SNED1: variants seen among roughly 807,000 people sequenced by gnomAD.
SNED1 encodes the protein sushi, nidogen and EGF like domains 1, also known as sushi, nidogen and EGF-like domain-containing protein 1.
Under a neutral mutation model 166.7 loss-of-function variants are expected in SNED1, and 81 were observed. That is an observed-to-expected ratio of 0.49 (90% confidence interval 0.41 to 0.58). The LOEUF is 0.58. SNED1 is among the 20% of genes least tolerant of loss of function. SNED1 has a pLI of 0.00. For synonymous variants in SNED1, 762 were observed against 822.0 expected, an observed-to-expected ratio of 0.93 and a Z score of 1.25; for missense variants, 1,604 against 2,000.2, an observed-to-expected ratio of 0.80 and a Z score of 3.78.
chr2:241,050,542 G>A (rs1458828412), intron 12 of SNED1, among the ~76,000 whole-genome samples: 1 of 152,202 alleles, frequency 6.6e-6, no homozygotes, highest in Non-Finnish European at 1.5e-5. Context: ...CTGGACTGGT[G>A]TGGAGCCTTC....
chr2:241,050,551 T>A (rs2061805940), intron 12 of SNED1, among the ~76,000 whole-genome samples: 1 of 152,124 alleles, frequency 6.6e-6, no homozygotes. Context: ...TGTGGAGCCT[T>A]CCACGGCCCC....
intron 4 of SNED1, 51 bp downstream of exon 4, chr2:241,034,781 T>G (rs1574942366): frequency 6.8e-7 from 1 of 1,480,936 alleles, no homozygotes; most frequent in Non-Finnish European, 9.0e-7. Context: ...AGGAAGGGGG[T>G]TGATGGCAGA....
At chr2:241,041,217 A>C in intron 8 of SNED1, 1 of 176,664 alleles carries the variant, frequency 5.7e-6, no homozygotes, top group Admixed American at 5.5e-5. Flanking sequence ...AGCCTCACCT[A>C]TTTGGCTGCT....
At chr2:241,049,960 G>T in intron 12 of SNED1, 27 bp downstream of exon 12, 2 of 1,562,522 alleles carry the variant, frequency 1.3e-6, no homozygotes, top group Non-Finnish European at 1.8e-6. Flanking sequence ...CGTCCGGGCC[G>T]GCGTCAGCAC....
At position 241,063,550 on chromosome 2, in the gene SNED1, G is replaced by C. The variant is rs1356538535; in HGVS notation, c.2372-37G>C. 3.5e-6 allele frequency: 5 copies of C among 1,442,782 alleles called. No individual in the cohort carries two copies. The African/African-American group carries it at 4.2e-5, about 12-fold the overall frequency. The allele number at this position is 1,442,782 out of a possible 1,614,324, so 89.4% of individuals were successfully genotyped here. A position where few individuals can be genotyped will look rare whatever the true frequency, so the allele number is the denominator to read the frequency against. ...GGGGGCATGTGGGCGCCTCAGACTT[G>C]AGCCAGCAACACCCTTGACACCCCT... On this transcript the variant is annotated intron_variant, in intron 17 of 31. Transcript: ENST00000310397.
chr2:241,030,405 G>C lies in SNED1; in HGVS notation c.335G>C (p.Arg112Pro), dbSNP rs371291064. 6.2e-7 allele frequency: 1 copy of C among 1,613,062 alleles called. No homozygotes were observed. Among genetic ancestry groups the C allele is most frequent in the African/African-American group, 1.3e-5 (1 of 74,942 alleles). Residue 112 changes from arginine (R) to proline (P), a missense_variant, in exon 2 of 32, where the codon CGT (arginine) becomes CCT (proline). Arg to Pro is a moderately radical substitution (Grantham distance 103). Transcript: ENST00000310397. ...AAFWADVDNR[R>P]AGDVYYREAT... ...TTCTGGGCAGATGTGGACAACCGGC[G>C]TGCAGGCGACGTGTACTACCGGGAG... is the stretch of plus-strand genomic sequence containing the variant.
intron 16 of SNED1, among the ~76,000 whole-genome samples, chr2:241,054,376 A>G (rs1175881541): frequency 3.3e-5 from 5 of 152,182 alleles, no homozygotes; most frequent in Admixed American, 3.3e-4. Flanking sequence ...AAGACCAGCA[A>G]GGGCAACATA....
intron 31 of SNED1, among the ~76,000 whole-genome samples, chr2:241,090,612 A>G (rs1362462432): frequency 1.3e-5 from 2 of 152,236 alleles, no homozygotes; most frequent in East Asian, 3.8e-4. Flanking sequence ...AAAAAGAATT[A>G]TTCTAGCACT....
At chr2:241,023,015 T>C (rs1175607226) in intron 1 of SNED1, among the ~76,000 whole-genome samples, 7 of 152,168 alleles carry the variant, frequency 4.6e-5, no homozygotes, top group African/African-American at 1.2e-4. Context: ...TTTGGCTTCA[T>C]TGATGATTCA....
At chr2:241,078,480 G>A (rs1251106575) in intron 27 of SNED1, among the ~76,000 whole-genome samples, 3 of 151,814 alleles carry the variant, frequency 2.0e-5, no homozygotes, top group African/African-American at 7.3e-5. Context: ...AAGGACGCAT[G>A]CTGCATGCTA....
rs745702821 is a variant in SNED1, at chr2:241,071,654, CGCGCCTGCCGGAGCT to C, written c.3677_3691del (p.Pro1226_Leu1230del). 2.5e-6 allele frequency: 4 copies of C among 1,569,450 alleles called. No individual in the cohort carries two copies. The highest frequency in any genetic ancestry group is 2.0e-4 in the Middle Eastern group (1 of 5,028). On this transcript the variant is annotated inframe_deletion, in exon 25 of 32. Coordinates refer to ENST00000310397, the MANE Select transcript of SNED1 (RefSeq NM_001080437.3). ...GTGCTCAAGAACAGACCGCCCCCGG[CGCGCCTGCCGGAGCT>C]GCGCCTGCTCAATGACCACAGCGCC...
chr2:241,016,188 A>ATTTT (rs1181068532), intron 1 of SNED1, among the ~76,000 whole-genome samples: 5 of 68,648 alleles, frequency 7.3e-5, no homozygotes, highest in Non-Finnish European at 8.4e-5. Flanking sequence ...GTCATGGTGG[A>ATTTT]TTTTTTTTTT....
At chr2:241,058,633 C>G (rs941772833) in intron 16 of SNED1, among the ~76,000 whole-genome samples, 8 of 152,108 alleles carry the variant, frequency 5.3e-5, no homozygotes, top group South Asian at 2.1e-4. Context: ...ATCAATGAAA[C>G]CAAAAGCTAT....
chr2:241,023,057 TCTG>T (rs1471345913), intron 1 of SNED1, among the ~76,000 whole-genome samples: 5 of 152,260 alleles, frequency 3.3e-5, no homozygotes, highest in Admixed American at 1.3e-4. Flanking sequence ...TTTATTAACT[TCTG>T]CTCTTAATTT....
rs2059996575 is a variant in SNED1, at chr2:240,999,005, C to T, written c.168C>T (p.Leu56=). ...QDDGGSGLRP[L]SVPFPFFGAE... is the part of the protein sequence containing the mutation. ...ACGGCGGCTCGGGGCTGCGGCCGCT[C>T]TCGGTGCCCTTCCCGTTCTTCGGTG... The change falls in exon 1 of 32, where the codon CTC becomes CTT. Residue 56 remains leucine (L), a synonymous_variant. Coordinates refer to ENST00000310397, the MANE Select transcript of SNED1 (RefSeq NM_001080437.3). The surrounding 1 kb of genome is among the most constrained non-coding windows in gnomAD (Gnocchi z 5.8). The T allele has an allele frequency of 6.0e-6, 8 of 1,326,020 alleles. No individual in the cohort carries two copies. Among genetic ancestry groups the T allele is most frequent in the Non-Finnish European group, 7.7e-6 (8 of 1,035,094 alleles). 82.1% of individuals were successfully genotyped at this position (1,326,020 alleles called of 1,614,324 possible).
intron 16 of SNED1, among the ~76,000 whole-genome samples, chr2:241,055,520 C>T (rs566443176): frequency 6.6e-6 from 1 of 152,246 alleles, no homozygotes; most frequent in African/African-American, 2.4e-5. Flanking sequence ...CAGAATACCA[C>T]CACTGTCACT....
rs570171419 is a variant in SNED1 at position 241,020,049 on chromosome 2, T to G, written c.214-10235T>G. Reference sequence around the variant, plus strand: ...GGCCACATCTGACCCAAGGCCTGTTTGTGTATGACCTGTGAACTAAGAATG... The same window carrying G: ...GGCCACATCTGACCCAAGGCCTGTTGGTGTATGACCTGTGAACTAAGAATG... On this transcript the variant is annotated intron_variant, in intron 1 of 31. Transcript: ENST00000310397. Among the ~76,000 whole-genome samples the G allele has an allele frequency of 2.6e-5, 4 of 152,336 alleles. No homozygotes were observed. In the East Asian group the frequency reaches 5.8e-4, roughly 22 times the overall value.
At chr2:241,022,920 T>C (rs575779534) in intron 1 of SNED1, among the ~76,000 whole-genome samples, 5 of 152,246 alleles carry the variant, frequency 3.3e-5, no homozygotes, top group Admixed American at 6.5e-5. Flanking sequence ...GTAGCCTCTT[T>C]TTCAGTCCTA....
At chr2:240,998,500 G>GCGCGCC (rs945174290), upstream of SNED1, among the ~76,000 whole-genome samples, 1 of 152,174 alleles carries the variant, frequency 6.6e-6, no homozygotes, top group Non-Finnish European at 1.5e-5. Context: ...TGAGCTCCCC[G>GCGCGCC]CGCGCCCGCG....
Sources: allele counts gnomAD v4.1 joint callset (sites outside exome capture counted in the v4.1 genomes callset), GRCh38; gene constraint gnomAD v4.1.1; non-coding constraint Gnocchi (gnomAD v3.1); transcripts MANE v1.5; gene names NCBI Gene and HGNC (gene_info 2026-07-23, HGNC 2026-07-21).